The following SLC22A13 variants were observed in gnomAD, a reference collection of about 807,000 sequenced individuals.
The protein encoded by SLC22A13 is solute carrier family 22 member 13.
SLC22A13 carries 42 observed loss-of-function variants against 49.1 expected under a neutral mutation model. That is an observed-to-expected ratio of 0.85 (90% CI 0.67 to 1.11). The LOEUF (loss-of-function observed/expected upper bound fraction) is 1.11. Among genes scored for constraint, SLC22A13 ranks in the 50% least tolerant of loss-of-function variants. The pLI is 0.00. For missense variants in SLC22A13, 694 were observed against 712.8 expected (o/e 0.97, Z 0.30); for synonymous variants, 282 against 293.1 (o/e 0.96, Z 0.39).
At chr3:38,272,913 T>A (rs1261151733) in intron 1 of SLC22A13, among the ~76,000 whole-genome samples, 1 of 152,208 alleles carries the variant, frequency 6.6e-6, no homozygotes, top group Non-Finnish European at 1.5e-5. Flanking sequence ...GCAAGAGAGA[T>A]GTCTCAACTC....
chr3:38,275,697 G>A (rs1406883635), intron 6 of SLC22A13, 25 bp downstream of exon 6: 3 of 1,607,138 alleles, frequency 1.9e-6, no homozygotes, highest in Non-Finnish European at 2.6e-6. Flanking sequence ...CCCGAGGACA[G>A]AACCACAGGG....
chr3:38,275,779 G>C (rs998518778), intron 6 of SLC22A13, 103 bp from the exon 7 acceptor site: 12 of 1,474,700 alleles, frequency 8.1e-6, no homozygotes, highest in Non-Finnish European at 1.1e-5. Flanking sequence ...TCTCTCCCTG[G>C]TTGTGCCAGT....
In SLC22A13 at chr3:38,275,146, C is replaced by T. The variant is rs1408631688; in HGVS notation, c.795C>T (p.Phe265=). 6.2e-7 allele frequency: 1 copy of T among 1,614,208 alleles called. No individual in the cohort carries two copies. Among genetic ancestry groups the T allele is most frequent in the South Asian group, 1.1e-5 (1 of 91,092 alleles). The change falls in exon 4 of 10, where the codon TTC becomes TTT. Residue 265 remains phenylalanine (F), a synonymous_variant. Transcript: ENST00000311856. ...ITGTAPGLLL[F]FYFWALPESA... is the part of the protein sequence containing the mutation. ...GCACTGCGCCTGGCTTACTGCTCTT[C>T]TTCTACTTCTGGTGAGGAAAATACA...
rs1703462671 is a variant in SLC22A13 at position 38,266,172 on chromosome 3, T to A, written c.312T>A (p.Asn104Lys). 6.2e-7 allele frequency: 1 copy of A among 1,614,054 alleles called. No homozygotes were observed. Among genetic ancestry groups the A allele is most frequent in the African/African-American group, 1.3e-5 (1 of 74,908 alleles). ...AGGACATCCTCAGCCACCGCTTCAA[T>A]GAGACGCAGCCTTGTGATATGGGCT... ...SLQDILSHRF[N>K]ETQPCDMGWE... The change falls in exon 1 of 10, where the codon AAT becomes AAA. Residue 104 changes from asparagine to lysine, a missense_variant. Asn to Lys is a moderately conservative substitution (Grantham distance 94). Coordinates refer to ENST00000311856, the MANE Select transcript of SLC22A13 (RefSeq NM_004256.4).
At chr3:38,276,863 GC>G in intron 8 of SLC22A13, 48 bp from the exon 9 acceptor site, 1 of 1,526,864 alleles carries the variant, frequency 6.5e-7, no homozygotes, top group South Asian at 1.2e-5. Flanking sequence ...TGAAGCTGAG[GC>G]CCAGAGTTGG....
chr3:38,274,424 T>G, intron 2 of SLC22A13, 49 bp downstream of exon 2: 2 of 1,537,636 alleles, frequency 1.3e-6, no homozygotes, highest in Non-Finnish European at 1.8e-6. Context: ...TCGTCAGCTC[T>G]GGCACAGGCC....
Position 38,276,610 on chromosome 3 carries a change from G to A in SLC22A13, c.1346+215G>A, listed in dbSNP as rs74519513. Among the ~76,000 whole-genome samples the A allele has an allele frequency of 6.2e-3, 943 of 152,282 alleles. 12 individuals carry two copies. Among genetic ancestry groups the A allele is most frequent in the African/African-American group, 0.022 (912 of 41,532 alleles). On this transcript the variant is annotated intron_variant, in intron 8 of 9. Transcript: ENST00000311856. ...ACAGGCAAGTAGGCCATGCCCTGGCGGTCAGGACAGGAATATGGGACACAT... is the reference window on the plus strand; with the variant it reads ...ACAGGCAAGTAGGCCATGCCCTGGCAGTCAGGACAGGAATATGGGACACAT...
At chr3:38,276,797 G>A (rs1488730171) in intron 8 of SLC22A13, 115 bp from the exon 9 acceptor site, 1 of 884,988 alleles carries the variant, frequency 1.1e-6, no homozygotes, top group Non-Finnish European at 1.7e-6. Flanking sequence ...GCTGGGTGAG[G>A]CTGGAGACCC....
intron 1 of SLC22A13, among the ~76,000 whole-genome samples, chr3:38,267,835 A>C (rs1703479489): frequency 6.6e-6 from 1 of 152,146 alleles, no homozygotes; most frequent in South Asian, 2.1e-4. Context: ...AGATACTAGA[A>C]AAATGTTGCT....
At chr3:38,267,800 G>C (rs2125862166) in intron 1 of SLC22A13, among the ~76,000 whole-genome samples, 1 of 152,310 alleles carries the variant, frequency 6.6e-6, no homozygotes, top group East Asian at 1.9e-4. Context: ...TCTGAAGGAA[G>C]TGGTATGTGT....
In SLC22A13 at chr3:38,277,443, T is replaced by G. The variant is rs1342796940; in HGVS notation, c.1634T>G (p.Phe545Cys). ...KGRTSSPGVA[F>C]VSSTYF ...AGAACTTCCAGCCCGGGAGTGGCCTTTGTGAGCAGCACATACTTCTGATTG... is the reference window on the plus strand; with the variant it reads ...AGAACTTCCAGCCCGGGAGTGGCCTGTGTGAGCAGCACATACTTCTGATTG... The change falls in exon 10 of 10, where the codon TTT becomes TGT. Residue 545 changes from phenylalanine (F) to cysteine (C), a missense_variant. By Grantham distance (205) the Phe-to-Cys change is radical. Transcript: ENST00000311856. The G allele has an allele frequency of 1.2e-6, 2 of 1,613,864 alleles. No individual in the cohort carries two copies. Among genetic ancestry groups the G allele is most frequent in the Non-Finnish European group, 1.7e-6 (2 of 1,179,870 alleles).
Position 38,278,358 on chromosome 3 carries a change from G to A in SLC22A13, c.*893G>A, listed in dbSNP as rs966072103. On this transcript the variant is annotated 3_prime_UTR_variant, in exon 10 of 10. Transcript: ENST00000311856. Reference sequence around the variant, plus strand: ...GCTTCTGAAAGCTGCCTTTTCCACGGGCCATCTTCTTGGGCTTCTCAGAGA... The same window carrying A: ...GCTTCTGAAAGCTGCCTTTTCCACGAGCCATCTTCTTGGGCTTCTCAGAGA... 6.6e-6 allele frequency: 1 copy of A among 152,268 alleles called. No homozygotes were observed. Among genetic ancestry groups the A allele is most frequent in the African/African-American group, 2.4e-5 (1 of 41,402 alleles). The allele number at this position is 152,268 out of a possible 1,614,324, so 9.4% of individuals were successfully genotyped here.
At chr3:38,276,422 C>A in intron 8 of SLC22A13, 27 bp downstream of exon 8, 1 of 1,465,470 alleles carries the variant, frequency 6.8e-7, no homozygotes, top group South Asian at 1.2e-5. Flanking sequence ...GACTCCTGCT[C>A]CTCTGCTACT....
intron 5 of SLC22A13, 21 bp from the exon 6 acceptor site, chr3:38,275,557 C>T (rs530384953): frequency 1.2e-6 from 2 of 1,613,970 alleles, no homozygotes; most frequent in African/African-American, 2.7e-5. Context: ...CCTGGCTTCT[C>T]ACTCTGCTTC....
chr3:38,276,564 C>T (rs1163408113), intron 8 of SLC22A13, among the ~76,000 whole-genome samples, 169 bp downstream of exon 8: 1 of 152,180 alleles, frequency 6.6e-6, no homozygotes, highest in Non-Finnish European at 1.5e-5. Flanking sequence ...CTCAAGTTGT[C>T]CCCAGAATGG....
At chr3:38,274,803 AGGGGCCTGGGAG>A in intron 3 of SLC22A13, 45 bp downstream of exon 3, 1 of 1,582,292 alleles carries the variant, frequency 6.3e-7, no homozygotes, top group South Asian at 1.1e-5. Flanking sequence ...GGTGAGGCCC[AGGGGCCTGGGAG>A]GGCCACAGCC....
At chr3:38,271,909 G>C (rs1431075326) in intron 1 of SLC22A13, among the ~76,000 whole-genome samples, 1 of 152,176 alleles carries the variant, frequency 6.6e-6, no homozygotes, top group Non-Finnish European at 1.5e-5. Flanking sequence ...CAAGAAATGA[G>C]GGTGGGATTC....
chr3:38,268,950 A>G (rs188087103), intron 1 of SLC22A13, among the ~76,000 whole-genome samples: 27 of 152,152 alleles, frequency 1.8e-4, no homozygotes, highest in African/African-American at 6.3e-4. Context: ...CAAAACAAAC[A>G]AACAAACAAA....
chr3:38,274,784 C>T (rs1479273076), intron 3 of SLC22A13, 26 bp downstream of exon 3: 8 of 1,606,056 alleles, frequency 5.0e-6, no homozygotes, highest in Non-Finnish European at 6.0e-6. Context: ...CTGGAGCCTT[C>T]AGCCATAGGG....
Sources: gnomAD v4.1 joint callset for allele counts (sites outside exome capture counted in the v4.1 genomes callset) on GRCh38, gnomAD v4.1.1 for gene constraint, MANE v1.5 for transcripts, NCBI Gene and HGNC (gene_info 2026-07-23, HGNC 2026-07-21) for gene names.